CEP350: variants seen among roughly 807,000 people sequenced by gnomAD.
The protein encoded by CEP350 is centrosomal protein 350.
CEP350 carries 126 observed loss-of-function variants against 331.8 expected under a neutral mutation model. That is an observed-to-expected ratio of 0.38 (90% CI 0.33 to 0.44). The LOEUF (loss-of-function observed/expected upper bound fraction) is 0.44. Ranked by LOEUF, CEP350 falls within the 20% of genes least tolerant of loss-of-function variation. The pLI is 1.00. For missense variants in CEP350, 3,406 were observed against 3,634.6 expected (o/e 0.94, Z 1.62); for synonymous variants, 1,200 against 1,259.5 (o/e 0.95, Z 1.00).
chr1:180,099,207 C>G (rs1383935127), intron 37 of CEP350, among the ~76,000 whole-genome samples: 3 of 152,108 alleles, frequency 2.0e-5, no homozygotes, highest in Non-Finnish European at 4.4e-5. Context: ...TTATGTAGAA[C>G]TTGAGAAATT....
chr1:180,072,640 G>A (rs562501226), intron 27 of CEP350, among the ~76,000 whole-genome samples: 4 of 152,140 alleles, frequency 2.6e-5, no homozygotes, highest in African/African-American at 7.2e-5. Flanking sequence ...ATGAATATGT[G>A]TGTTTTTGCG....
Position 180,014,461 on chromosome 1 carries a change from T to C in CEP350, c.2008T>C (p.Leu670=), listed in dbSNP as rs767457821. 1.9e-6 allele frequency: 3 copies of C among 1,609,478 alleles called. No homozygotes were observed. In the African/African-American group the frequency reaches 4.0e-5, roughly 22 times the overall value. ...TYSKLLLEKT[L]LEEPSHQHVT... Reference sequence around the variant, plus strand: ...CTCCAAATTGCTACTAGAAAAGACCTTGCTTGAAGAGCCATCTCATCAACA... The same window carrying C: ...CTCCAAATTGCTACTAGAAAAGACCCTGCTTGAAGAGCCATCTCATCAACA... Residue 670 remains leucine (L), a synonymous_variant, in exon 10 of 38, where the codon TTG becomes CTG. Transcript: ENST00000367607.
At position 179,992,226 on chromosome 1, in the gene CEP350, G is replaced by C. The variant is rs767846839; in HGVS notation, c.395+5G>C. On this transcript the variant is annotated splice_donor_5th_base_variant and intron_variant, in intron 5 of 37. Coordinates refer to ENST00000367607, the MANE Select transcript of CEP350 (RefSeq NM_014810.5). ...TGAACCTTTGGTTTCTTATAGGTTAGTATTGAGAAAAAAAAAAGGTATCAA... is the reference window on the plus strand; with the variant it reads ...TGAACCTTTGGTTTCTTATAGGTTACTATTGAGAAAAAAAAAAGGTATCAA... The C allele has an allele frequency of 1.4e-6, 2 of 1,464,030 alleles. No homozygotes were observed. Among genetic ancestry groups the C allele is most frequent in the Non-Finnish European group, 1.8e-6 (2 of 1,115,202 alleles). 90.7% of individuals were successfully genotyped at this position (1,464,030 alleles called of 1,614,324 possible).
chr1:179,992,273 T>C, intron 5 of CEP350, 52 bp downstream of exon 5: 1 of 1,387,734 alleles, frequency 7.2e-7, no homozygotes, highest in Non-Finnish European at 9.4e-7. Context: ...CTGTAATATT[T>C]ACAGTAAGAG....
intron 1 of CEP350, among the ~76,000 whole-genome samples, chr1:179,970,498 G>GAT (rs1415200848): frequency 1.3e-5 from 2 of 152,088 alleles, no homozygotes; most frequent in Non-Finnish European, 2.9e-5. Flanking sequence ...GTTGAGGATA[G>GAT]ATAGTAGGAA....
intron 29 of CEP350, among the ~76,000 whole-genome samples, chr1:180,078,883 A>G (rs1255624359): frequency 6.6e-6 from 1 of 152,184 alleles, no homozygotes; most frequent in Non-Finnish European, 1.5e-5. Context: ...TTTGCTATCA[A>G]GTCTGTGAAT....
intron 9 of CEP350, among the ~76,000 whole-genome samples, chr1:180,012,509 AGTGGGTGTCAGATTTG>A (rs1279661282): frequency 6.6e-6 from 1 of 152,188 alleles, no homozygotes; most frequent in Non-Finnish European, 1.5e-5. Context: ...TTATGTAGTC[AGTGGGTGTCAGATTTG>A]GTGGCAGAAC....
At chr1:179,999,986 T>C (rs1653755067) in intron 6 of CEP350, among the ~76,000 whole-genome samples, 1 of 152,180 alleles carries the variant, frequency 6.6e-6, no homozygotes, top group Admixed American at 6.5e-5. Flanking sequence ...CCCATGAAGA[T>C]AAAGAGCCTA....
chr1:179,993,551 T>C (rs1486571298), intron 5 of CEP350, among the ~76,000 whole-genome samples: 2 of 152,164 alleles, frequency 1.3e-5, no homozygotes, highest in Non-Finnish European at 2.9e-5. Context: ...GCTTCCTAGC[T>C]GAGGCTTACA....
chr1:179,994,461 T>C (rs1653330828), intron 5 of CEP350, among the ~76,000 whole-genome samples: 1 of 149,926 alleles, frequency 6.7e-6, no homozygotes, highest in African/African-American at 2.5e-5. Context: ...TCTTTCTTTT[T>C]TTTTTTTTTT....
At position 179,972,948 on chromosome 1, in the gene CEP350, A is replaced by G. The variant is rs573719507; in HGVS notation, c.-13-13221A>G. Among the ~76,000 whole-genome samples, 6 of 151,088 alleles carry G rather than the reference A, an allele frequency of 4.0e-5. No homozygotes were observed. In the South Asian group the frequency reaches 1.3e-3, roughly 32 times the overall value. ...AGTGGCATGATCTCGGCTCACTGCA[A>G]GCTCCGCCTCCGGGGTTCACGCCAT... On this transcript the variant is annotated intron_variant, in intron 1 of 37. Transcript: ENST00000367607.
intron 21 of CEP350, among the ~76,000 whole-genome samples, chr1:180,047,830 AT>A (rs1268761734): frequency 6.6e-6 from 1 of 151,946 alleles, no homozygotes; most frequent in Non-Finnish European, 1.5e-5. Context: ...AGACAGAAAA[AT>A]TTAAAGCAAA....
chr1:179,989,373 T>C (rs114008663), intron 3 of CEP350, among the ~76,000 whole-genome samples: 12,616 of 151,368 alleles, frequency 0.083, 697 homozygotes, highest in Non-Finnish European at 0.12. Flanking sequence ...GTCCCAGCTA[T>C]TTGGGAGGCT....
At chr1:180,080,811 T>C in intron 30 of CEP350, 150 bp downstream of exon 30, 1 of 579,768 alleles carries the variant, frequency 1.7e-6, no homozygotes, top group East Asian at 2.6e-5. Flanking sequence ...AATACCATAT[T>C]GAATATTGCC....
At position 180,062,261 on chromosome 1, in the gene CEP350, G is replaced by A. The variant is rs184284621; in HGVS notation, c.5304G>A (p.Arg1768=). Residue 1768 remains arginine, a synonymous_variant, in exon 26 of 38, where the codon CGG becomes CGA. Coordinates refer to ENST00000367607, the MANE Select transcript of CEP350 (RefSeq NM_014810.5). ...TTCAAGAAGCCAATAAGGCAGCTCG[G>A]AAGGAAAGACAGCTGATTCTTAAAC... ...KRLQEANKAA[R]KERQLILKQQ... 28 of 1,610,346 alleles carry A rather than the reference G, an allele frequency of 1.7e-5. No individual in the cohort carries two copies. In the Admixed American group the frequency reaches 3.4e-4, roughly 19 times the overall value.
chr1:180,068,762 G>T (rs1259178875), intron 27 of CEP350, among the ~76,000 whole-genome samples: 3 of 152,118 alleles, frequency 2.0e-5, no homozygotes, highest in African/African-American at 7.2e-5. Flanking sequence ...TGATTAATGT[G>T]TGAGTATGCT....
intron 37 of CEP350, among the ~76,000 whole-genome samples, chr1:180,106,820 T>A (rs542901254): frequency 2.9e-4 from 43 of 150,302 alleles, no homozygotes; most frequent in African/African-American, 9.5e-4. Flanking sequence ...TTTTTTTTTT[T>A]ACCTGTATCT....
chr1:180,106,684 G>T (rs1410002073), intron 37 of CEP350, among the ~76,000 whole-genome samples: 1 of 151,966 alleles, frequency 6.6e-6, no homozygotes, highest in African/African-American at 2.4e-5. Context: ...CTCCTGCCTC[G>T]GTCTTCCAAA....
intron 1 of CEP350, among the ~76,000 whole-genome samples, chr1:179,980,787 A>G (rs1204004890): frequency 4.6e-5 from 7 of 152,122 alleles, no homozygotes; most frequent in African/African-American, 1.7e-4. Context: ...TTTTAATAAC[A>G]TACAATGCTT....
Sources: gnomAD v4.1 joint callset for allele counts (sites outside exome capture counted in the v4.1 genomes callset) on GRCh38, gnomAD v4.1.1 for gene constraint, MANE v1.5 for transcripts, NCBI Gene and HGNC (gene_info 2026-07-23, HGNC 2026-07-21) for gene names.